MINDY2: variants seen among roughly 807,000 people sequenced by gnomAD.
MINDY2 encodes the protein ubiquitin carboxyl-terminal hydrolase MINDY-2.
Under a neutral mutation model 68.2 loss-of-function variants are expected in MINDY2, and 52 were observed. That is an observed-to-expected ratio of 0.76 (90% CI 0.61 to 0.96). The LOEUF is 0.96. Ranked by LOEUF, MINDY2 falls within the 40% of genes least tolerant of loss-of-function variation. The probability of loss-of-function intolerance (pLI) is 0.00; values close to 1 mark genes in which losing one functional copy is unlikely to be tolerated. For missense variants in MINDY2, 881 were observed against 773.4 expected (o/e 1.14, Z -1.65); for synonymous variants, 372 against 303.0 (o/e 1.23, Z -2.36).
rs1392680593 is a variant in MINDY2 at position 58,855,786 on chromosome 15, G to A, written c.*1176G>A. The A allele has an allele frequency of 2.0e-5, 3 of 152,294 alleles. No homozygotes were observed. Among genetic ancestry groups the A allele is most frequent in the East Asian group, 1.9e-4 (1 of 5,190 alleles). The allele number at this position is 152,294 out of a possible 1,614,324, so 9.4% of individuals were successfully genotyped here. On this transcript the variant is annotated 3_prime_UTR_variant, in exon 9 of 9. Transcript: ENST00000559228. Reference sequence around the variant, plus strand: ...AAATACAAAAAATCAGCCTGGCATGGTGGTGCGTGCCTGTAGTCCCAGCTA... The same window carrying A: ...AAATACAAAAAATCAGCCTGGCATGATGGTGCGTGCCTGTAGTCCCAGCTA...
At chr15:58,774,919 T>C (rs1900685454) in intron 1 of MINDY2, among the ~76,000 whole-genome samples, 1 of 152,212 alleles carries the variant, frequency 6.6e-6, no homozygotes, top group East Asian at 1.9e-4. Flanking sequence ...TGGAGATTAT[T>C]TTGTAAATCT....
chr15:58,818,189 T>G (rs2030826839), intron 4 of MINDY2, among the ~76,000 whole-genome samples: 1 of 152,214 alleles, frequency 6.6e-6, no homozygotes, highest in Admixed American at 6.5e-5. Context: ...CACTGTTGTG[T>G]CTGTAGATTC....
chr15:58,784,689 G>A (rs571792797), intron 1 of MINDY2, among the ~76,000 whole-genome samples: 8 of 147,726 alleles, frequency 5.4e-5, no homozygotes, highest in Admixed American at 2.7e-4. Context: ...GCATGATAGC[G>A]GCTCACTTCA....
rs1249563601 is a variant in MINDY2 at position 58,810,324 on chromosome 15, C to G, written c.1058C>G (p.Pro353Arg). 1.2e-6 allele frequency: 2 copies of G among 1,613,598 alleles called. No homozygotes were observed. The change falls in exon 4 of 9, where the codon CCA (proline) becomes CGA (arginine). Residue 353 changes from proline (P) to arginine (R), a missense_variant. Coordinates refer to ENST00000559228, the MANE Select transcript of MINDY2 (RefSeq NM_001040450.3). ...FTGVRVFEYT[P>R]ECIVFDLLDI... The stretch of plus-strand genomic sequence containing the variant: ...GGTGTTCGAGTGTTTGAATATACAC[C>G]AGAATGCATAGTATTTGATCTTCTT...
In MINDY2 at chr15:58,804,936, C is replaced by T. The variant is rs181028516; in HGVS notation, c.963+2559C>T. Among the ~76,000 whole-genome samples, 8 of 152,052 alleles carry T rather than the reference C, an allele frequency of 5.3e-5. No individual in the cohort carries two copies. In the East Asian group the frequency reaches 1.2e-3, roughly 22 times the overall value. On this transcript the variant is annotated intron_variant, in intron 3 of 8. Transcript: ENST00000559228. ...TGAGCCTAGGAGTTCAAGACCAATC[C>T]GGGTGTGATATAGTAAGACTCCATC...
intron 6 of MINDY2, among the ~76,000 whole-genome samples, chr15:58,838,817 G>A (rs1428330289): frequency 6.6e-6 from 1 of 151,880 alleles, no homozygotes; most frequent in Non-Finnish European, 1.5e-5. Context: ...CTGACATCAA[G>A]TGATCTGCCC....
chr15:58,850,887 C>G (rs2032777575), intron 7 of MINDY2, among the ~76,000 whole-genome samples: 1 of 151,768 alleles, frequency 6.6e-6, no homozygotes, highest in African/African-American at 2.4e-5. Flanking sequence ...GTACCTGGCT[C>G]CCCGCTACTT....
Position 58,855,067 on chromosome 15 carries a change from G to T in MINDY2, c.*457G>T, listed in dbSNP as rs1472825760. ...ATGATCTAATTCATGAGAAACCACG[G>T]GTTTAACATAGGGATTCAAAAAAAC... On this transcript the variant is annotated 3_prime_UTR_variant, in exon 9 of 9. Transcript: ENST00000559228. The T allele has an allele frequency of 1.3e-5, 2 of 153,176 alleles. No homozygotes were observed. Among genetic ancestry groups the T allele is most frequent in the African/African-American group, 4.8e-5 (2 of 41,374 alleles). 9.5% of individuals were successfully genotyped at this position (153,176 alleles called of 1,614,324 possible).
Position 58,771,790 on chromosome 15 carries a change from G to T in MINDY2, c.395G>T (p.Arg132Leu), listed in dbSNP as rs760687084. 57 of 1,609,826 alleles carry T rather than the reference G, an allele frequency of 3.5e-5. No individual in the cohort carries two copies. The Admixed American group carries it at 9.2e-4, about 26-fold the overall frequency. Residue 132 changes from arginine (R) to leucine (L), a missense_variant, in exon 1 of 9, where the codon CGC (arginine) becomes CTC (leucine). Coordinates refer to ENST00000559228, the MANE Select transcript of MINDY2 (RefSeq NM_001040450.3). Reference protein sequence around the residue: ...ELGTAGDAGARPDLAGTCQAE... With the variant: ...ELGTAGDAGALPDLAGTCQAE... ...GGTACCGCCGGAGACGCGGGAGCCC[G>T]CCCGGATCTCGCCGGCACCTGCCAA... is the stretch of plus-strand genomic sequence containing the variant.
At chr15:58,776,536 A>G (rs1900785826) in intron 1 of MINDY2, among the ~76,000 whole-genome samples, 1 of 152,214 alleles carries the variant, frequency 6.6e-6, no homozygotes, top group Non-Finnish European at 1.5e-5. Flanking sequence ...CTATTGTCAA[A>G]TGCAGCAGCA....
chr15:58,775,077 A>G (rs1900694008), intron 1 of MINDY2, among the ~76,000 whole-genome samples: 1 of 152,206 alleles, frequency 6.6e-6, no homozygotes, highest in Non-Finnish European at 1.5e-5. Context: ...AGCTATTTTT[A>G]TGATAATACT....
intron 5 of MINDY2, among the ~76,000 whole-genome samples, chr15:58,826,122 TA>T (rs2141008794): frequency 6.6e-6 from 1 of 151,898 alleles, no homozygotes; most frequent in Non-Finnish European, 1.5e-5. Flanking sequence ...CTCAAACCTA[TA>T]AAAAAGGTTG....
intron 6 of MINDY2, among the ~76,000 whole-genome samples, chr15:58,844,643 C>T (rs555565389): frequency 4.0e-5 from 6 of 150,988 alleles, no homozygotes; most frequent in African/African-American, 1.2e-4. Flanking sequence ...TCAGGCCAGG[C>T]GCGGTGGCTC....
chr15:58,796,144 G>A (rs1297648066), intron 2 of MINDY2: 1 of 455,864 alleles, frequency 2.2e-6, no homozygotes, highest in Non-Finnish European at 4.4e-6. Context: ...AGAAGTTTGG[G>A]TACAAATGGG....
At chr15:58,817,609 G>C (rs1279081606) in intron 4 of MINDY2, 1 of 152,240 alleles carries the variant, frequency 6.6e-6, no homozygotes, top group Admixed American at 6.5e-5. Flanking sequence ...TGTAATCCCA[G>C]CTACTCAGGA....
At chr15:58,775,604 A>G (rs1176825706) in intron 1 of MINDY2, among the ~76,000 whole-genome samples, 1 of 152,172 alleles carries the variant, frequency 6.6e-6, no homozygotes, top group East Asian at 1.9e-4. Context: ...AGGATAATGT[A>G]GCGTTCCCAA....
intron 5 of MINDY2, among the ~76,000 whole-genome samples, chr15:58,826,534 C>T (rs1395063903): frequency 2.6e-5 from 4 of 152,104 alleles, no homozygotes; most frequent in African/African-American, 4.8e-5. Context: ...TGGCCCCACA[C>T]ACTCTTTTTC....
intron 1 of MINDY2, among the ~76,000 whole-genome samples, chr15:58,784,107 C>T (rs1472966641): frequency 6.6e-6 from 1 of 152,048 alleles, no homozygotes; most frequent in Non-Finnish European, 1.5e-5. Flanking sequence ...AGGAGGATTG[C>T]TTGAGGCCAG....
intron 1 of MINDY2, among the ~76,000 whole-genome samples, chr15:58,774,800 A>G (rs1251300466): frequency 3.3e-5 from 5 of 152,208 alleles, no homozygotes; most frequent in Non-Finnish European, 7.3e-5. Flanking sequence ...GGAACCTTCA[A>G]CCTTGGTTGA....
Sources: allele counts gnomAD v4.1 joint callset (sites outside exome capture counted in the v4.1 genomes callset), GRCh38; gene constraint gnomAD v4.1.1; transcripts MANE v1.5; gene names NCBI Gene and HGNC (gene_info 2026-07-23, HGNC 2026-07-21).